The following ZFP64 variants were observed in gnomAD, a reference collection of about 807,000 sequenced individuals.
ZFP64 encodes the protein zinc finger protein 64.
A neutral mutation model predicts 51.6 loss-of-function variants in ZFP64; 14 were observed. That is an observed-to-expected ratio of 0.27 (90% CI 0.18 to 0.42). The LOEUF (loss-of-function observed/expected upper bound fraction) is 0.42. ZFP64 is among the 10% of genes least tolerant of loss of function. The pLI, the probability that ZFP64 is intolerant of heterozygous loss-of-function variation, is 1.00. For missense variants in ZFP64, 754 were observed against 906.8 expected (o/e 0.83, Z 2.16); for synonymous variants, 375 against 361.4 (o/e 1.04, Z -0.43).
chr20:52,095,831 G>A (rs965414269), intron 7 of ZFP64, among the ~76,000 whole-genome samples: 2 of 152,050 alleles, frequency 1.3e-5, no homozygotes, highest in African/African-American at 4.8e-5. Context: ...AAGATTTTTG[G>A]CCTCCACCCA....
At chr20:52,131,651 G>A (rs1464428653) in intron 5 of ZFP64, among the ~76,000 whole-genome samples, 63 of 152,122 alleles carry the variant, frequency 4.1e-4, no homozygotes, top group Non-Finnish European at 1.3e-4. Context: ...ATAAAGGGGT[G>A]AATTCAGCAA....
chr20:52,109,226 C>T (rs911706670), intron 5 of ZFP64, among the ~76,000 whole-genome samples: 39 of 151,902 alleles, frequency 2.6e-4, no homozygotes, highest in Admixed American at 2.1e-3. Context: ...TCTTGGCTCA[C>T]GATCTTGGCT....
chr20:52,110,891 C>T, intron 5 of ZFP64: 7 of 1,610,420 alleles, frequency 4.3e-6, no homozygotes, highest in Non-Finnish European at 5.9e-6. Flanking sequence ...TCGCTGGAAG[C>T]CGAGTTTTCA....
At chr20:52,088,216 C>T in intron 8 of ZFP64, 1 of 1,052,052 alleles carries the variant, frequency 9.5e-7, no homozygotes, top group South Asian at 1.7e-5. Context: ...CATATTTTAC[C>T]AAAAGTTGTT....
chr20:52,105,486 C>T (rs1568949969), intron 5 of ZFP64: 3 of 582,118 alleles, frequency 5.2e-6, no homozygotes, highest in Non-Finnish European at 7.5e-6. Flanking sequence ...GTTAGAAATG[C>T]AGACTCTCGG....
In ZFP64 at chr20:52,162,994, C is replaced by T. The variant is rs145187923; in HGVS notation, c.511+1701G>A. On this transcript the variant is annotated intron_variant, in intron 4 of 5. Transcript: ENST00000216923. ...GGCTAACTGTAGAAGATATTTTCTG[C>T]GGATTTGCAGAAATAGACAAAGCTG... Among the ~76,000 whole-genome samples, 15 of 152,294 alleles carry T rather than the reference C, an allele frequency of 9.8e-5. No individual in the cohort carries two copies. In the South Asian group the frequency reaches 2.3e-3, roughly 23 times the overall value.
chr20:52,105,448 C>T (rs1310065267), intron 5 of ZFP64: 2 of 1,049,036 alleles, frequency 1.9e-6, no homozygotes, highest in Middle Eastern at 2.5e-4. Flanking sequence ...CGGTCCGCTC[C>T]CGGGCAGCCC....
At chr20:52,111,112 C>T in intron 5 of ZFP64, 2 of 824,830 alleles carry the variant, frequency 2.4e-6, no homozygotes, top group Non-Finnish European at 4.1e-6. Flanking sequence ...AGACGCGGAG[C>T]GGGGCACGGC....
At chr20:52,139,848 GTTTTT>G (rs555986732) in intron 5 of ZFP64, among the ~76,000 whole-genome samples, 1 of 129,848 alleles carries the variant, frequency 7.7e-6, no homozygotes, top group Admixed American at 7.7e-5. Context: ...GCGCTGAGTT[GTTTTT>G]TTTTTTTTTT....
chr20:52,115,346 A>G (rs961849741), intron 5 of ZFP64, among the ~76,000 whole-genome samples: 2 of 152,078 alleles, frequency 1.3e-5, no homozygotes, highest in African/African-American at 4.8e-5. Context: ...CATATTTTCA[A>G]TGGTGAAATA....
At chr20:52,170,044 A>C (rs1044844469) in intron 2 of ZFP64, among the ~76,000 whole-genome samples, 25 of 150,964 alleles carry the variant, frequency 1.7e-4, no homozygotes, top group Non-Finnish European at 3.4e-4. Flanking sequence ...CAAGAGCAAA[A>C]TTCCGTCTCA....
exon 8 of ZFP64, chr20:52,088,476 C>T (rs1419414130): frequency 1.9e-6 from 3 of 1,614,086 alleles, no homozygotes; most frequent in African/African-American, 1.3e-5. Flanking sequence ...GGCCGCTCAT[C>T]AGAGTGGATC....
intron 5 of ZFP64, among the ~76,000 whole-genome samples, chr20:52,113,578 G>A (rs1568953542): frequency 7.0e-6 from 1 of 142,838 alleles, no homozygotes; most frequent in Admixed American, 7.4e-5. Context: ...CAAGGCACCC[G>A]CCACCATACC....
intron 5 of ZFP64, among the ~76,000 whole-genome samples, chr20:52,113,141 C>T (rs117876932): frequency 0.055 from 8,331 of 151,946 alleles, 290 homozygotes; most frequent in Admixed American, 0.11. Context: ...CAGACCATCC[C>T]GGTTAACACG....
intron 5 of ZFP64, among the ~76,000 whole-genome samples, chr20:52,129,641 G>T (rs999842924): frequency 6.6e-6 from 1 of 152,092 alleles, no homozygotes; most frequent in Non-Finnish European, 1.5e-5. Context: ...CTCAGGTGCT[G>T]GTCACCCCGG....
At chr20:52,146,989 C>G (rs1980560362), downstream of ZFP64, among the ~76,000 whole-genome samples, 1 of 152,184 alleles carries the variant, frequency 6.6e-6, no homozygotes, top group Non-Finnish European at 1.5e-5. Flanking sequence ...TATTTAAGTG[C>G]AAAACCCAAA....
chr20:52,146,326 A>G (rs1479878481), downstream of ZFP64, among the ~76,000 whole-genome samples: 1 of 152,126 alleles, frequency 6.6e-6, no homozygotes, highest in Admixed American at 6.5e-5. Context: ...CTTGGAACCA[A>G]TCCAAATGTC....
At position 52,151,294 on chromosome 20, in the gene ZFP64, A is replaced by T; in HGVS notation, c.*852T>A. On this transcript the variant is annotated 3_prime_UTR_variant, in exon 6 of 6. Coordinates refer to ENST00000216923, the MANE Select transcript of ZFP64 (RefSeq NM_018197.3). ...AACATTCAGTATATTTTAATCAGAT[A>T]TCAATTTATTATGGAACCATTCATT... 1 of 985,244 alleles carries T rather than the reference A, an allele frequency of 1.0e-6. No homozygotes were observed. Among genetic ancestry groups the T allele is most frequent in the Non-Finnish European group, 1.2e-6 (1 of 829,746 alleles). 61.0% of individuals were successfully genotyped at this position (985,244 alleles called of 1,614,324 possible). A position where few individuals can be genotyped will look rare whatever the true frequency, so the allele number is the denominator to read the frequency against.
intron 1 of ZFP64, among the ~76,000 whole-genome samples, chr20:52,187,648 GA>G (rs1984072027): frequency 6.6e-6 from 1 of 151,220 alleles, no homozygotes; most frequent in Non-Finnish European, 1.5e-5. Context: ...TTTTTTTTCA[GA>G]AAATTATGAT....
Sources: gnomAD v4.1 joint callset for allele counts (sites outside exome capture counted in the v4.1 genomes callset) on GRCh38, gnomAD v4.1.1 for gene constraint, MANE v1.5 for transcripts, NCBI Gene and HGNC (gene_info 2026-07-23, HGNC 2026-07-21) for gene names.